Variants in GTF2IRD1 observed in about 807,000 individuals in gnomAD.
GTF2IRD1 encodes general transcription factor II-I repeat domain-containing protein 1.
A neutral mutation model predicts 113.2 loss-of-function variants in GTF2IRD1; 26 were observed. The ratio of observed to expected loss-of-function variants is 0.23; its 90% CI spans 0.17 to 0.32. The LOEUF (loss-of-function observed/expected upper bound fraction) is 0.32. Among genes scored for constraint, GTF2IRD1 ranks in the 10% least tolerant of loss-of-function variants. The pLI, the probability that GTF2IRD1 is intolerant of heterozygous loss-of-function variation, is 1.00. For missense variants in GTF2IRD1, 864 were observed against 1,280.8 expected (o/e 0.67, Z 4.97); for synonymous variants, 484 against 529.1 (o/e 0.91, Z 1.17).
In GTF2IRD1 at chr7:74,493,654, C is replaced by T. The variant is rs116518907; in HGVS notation, c.-6-14421C>T. On this transcript the variant is annotated intron_variant, in intron 1 of 26. Transcript: ENST00000424337. ...AGACAGGTTCTCCTGTGATAGATGC[C>T]GGCCAGGTAAAGGAGACAAATGGAA... 6.9e-3 allele frequency among the ~76,000 whole-genome samples: 1,057 copies of T among 152,142 alleles called. 9 individuals carry two copies. The highest frequency in any genetic ancestry group is 0.024 in the African/African-American group (986 of 41,504).
intron 22 of GTF2IRD1, among the ~76,000 whole-genome samples, chr7:74,579,224 G>A (rs1455782890): frequency 6.6e-6 from 1 of 152,102 alleles, no homozygotes; most frequent in Non-Finnish European, 1.5e-5. Context: ...AGGAGACTGC[G>A]GCAGGAGGAT....
intron 22 of GTF2IRD1, chr7:74,570,983 G>A (rs1293502957): frequency 4.3e-6 from 2 of 465,068 alleles, no homozygotes; most frequent in Non-Finnish European, 5.6e-6. Context: ...TCCCTTTTGG[G>A]CAAACACGAG....
chr7:74,488,159 T>C (rs1795129964), intron 1 of GTF2IRD1, among the ~76,000 whole-genome samples: 1 of 152,116 alleles, frequency 6.6e-6, no homozygotes, highest in Admixed American at 6.6e-5. Flanking sequence ...CGACACACGC[T>C]GTGGTCCCAG....
At chr7:74,535,241 T>C in intron 10 of GTF2IRD1, 103 bp downstream of exon 10, 2 of 874,286 alleles carry the variant, frequency 2.3e-6, no homozygotes, top group Non-Finnish European at 3.9e-6. Context: ...GCGCCTCCCC[T>C]CAGGCAGGGA....
chr7:74,529,276 C>A (rs781995224), intron 8 of GTF2IRD1, among the ~76,000 whole-genome samples: 13 of 151,944 alleles, frequency 8.6e-5, no homozygotes, highest in Non-Finnish European at 1.9e-4. Flanking sequence ...TTTTTTGAGA[C>A]AGGGTCTCAC....
intron 1 of GTF2IRD1, among the ~76,000 whole-genome samples, chr7:74,485,461 C>CA (rs1255743768): frequency 1.3e-5 from 2 of 151,702 alleles, no homozygotes; most frequent in African/African-American, 2.4e-5. Flanking sequence ...ACTAAAAACA[C>CA]AAAAAATTAG....
rs771265700 is a variant in GTF2IRD1, at chr7:74,572,633, C to T, written c.2320+12978C>T. The T allele has an allele frequency of 6.1e-4, 469 of 772,394 alleles. 1 individual carries two copies. Among genetic ancestry groups the T allele is most frequent in the Middle Eastern group, 6.6e-4 (1 of 1,524 alleles). The allele number at this position is 772,394 out of a possible 1,614,324, so 47.8% of individuals were successfully genotyped here. A position where few individuals can be genotyped will look rare whatever the true frequency, so the allele number is the denominator to read the frequency against. On this transcript the variant is annotated intron_variant, in intron 22 of 26. Coordinates refer to ENST00000424337, the MANE Select transcript of GTF2IRD1 (RefSeq NM_005685.4). Reference sequence around the variant, plus strand: ...TCATTTCCTTGTCGCCAATCACACACAGGCACACACCCTCTGGCCCCTGCC... The same window carrying T: ...TCATTTCCTTGTCGCCAATCACACATAGGCACACACCCTCTGGCCCCTGCC...
chr7:74,520,674 G>A (rs1444485163), intron 6 of GTF2IRD1, among the ~76,000 whole-genome samples: 1 of 146,818 alleles, frequency 6.8e-6, no homozygotes, highest in Non-Finnish European at 1.5e-5. Flanking sequence ...AGGCATACCT[G>A]TAATTCCAGC....
intron 8 of GTF2IRD1, among the ~76,000 whole-genome samples, chr7:74,524,737 A>G (rs1797501909): frequency 6.6e-6 from 1 of 152,156 alleles, no homozygotes; most frequent in Non-Finnish European, 1.5e-5. Context: ...GTGGTAATAC[A>G]CGCCTGTAAT....
intron 25 of GTF2IRD1, chr7:74,596,091 G>C (rs1231330146): frequency 6.6e-6 from 1 of 152,288 alleles, no homozygotes; most frequent in East Asian, 1.9e-4. Flanking sequence ...TTGGGAGGCC[G>C]AGGCAGGCAT....
chr7:74,533,650 C>G (rs782597205), intron 9 of GTF2IRD1, among the ~76,000 whole-genome samples: 3 of 152,160 alleles, frequency 2.0e-5, no homozygotes, highest in Non-Finnish European at 4.4e-5. Context: ...TCACTGCTCT[C>G]TCTCCTGCAA....
intron 17 of GTF2IRD1, among the ~76,000 whole-genome samples, chr7:74,548,692 C>T (rs1799108061): frequency 6.6e-6 from 1 of 151,964 alleles, no homozygotes; most frequent in South Asian, 2.1e-4. Flanking sequence ...TCACTTGAGG[C>T]CAGGAGTTCA....
At chr7:74,516,526 G>A (rs1796936013) in intron 4 of GTF2IRD1, among the ~76,000 whole-genome samples, 1 of 152,218 alleles carries the variant, frequency 6.6e-6, no homozygotes, top group Non-Finnish European at 1.5e-5. Flanking sequence ...GAAACATCGG[G>A]CAGGTCCCTT....
intron 1 of GTF2IRD1, among the ~76,000 whole-genome samples, chr7:74,464,030 C>G (rs1434102652): frequency 2.0e-5 from 3 of 152,020 alleles, no homozygotes; most frequent in African/African-American, 7.2e-5. Flanking sequence ...TGCCCTAGGA[C>G]CACTTTTACC....
chr7:74,565,457 A>G (rs1800240263), intron 22 of GTF2IRD1, among the ~76,000 whole-genome samples: 1 of 152,118 alleles, frequency 6.6e-6, no homozygotes. Flanking sequence ...CCTGGGAGGC[A>G]GAGGTTGCAG....
chr7:74,470,507 T>C (rs1476295066), intron 1 of GTF2IRD1, among the ~76,000 whole-genome samples: 1 of 152,154 alleles, frequency 6.6e-6, no homozygotes, highest in Non-Finnish European at 1.5e-5. Context: ...ACATTCAGCC[T>C]TCACCTACCA....
At chr7:74,587,754 A>T (rs11981999) in intron 22 of GTF2IRD1, among the ~76,000 whole-genome samples, 92,246 of 151,870 alleles carry the variant, frequency 0.61, 28,510 homozygotes, top group East Asian at 0.68. Context: ...ACCCCCACTC[A>T]GCCTTACAGC....
intron 1 of GTF2IRD1, among the ~76,000 whole-genome samples, chr7:74,471,797 T>C (rs782022065): frequency 6.7e-6 from 1 of 149,202 alleles, no homozygotes; most frequent in Non-Finnish European, 1.5e-5. Flanking sequence ...ATTGAGACCA[T>C]CCTGGCCAAT....
chr7:74,519,737 A>T lies in GTF2IRD1; in HGVS notation c.916+18A>T, dbSNP rs587653115. 12 of 1,529,552 alleles carry T rather than the reference A, an allele frequency of 7.8e-6. No homozygotes were observed. The East Asian group carries it at 2.7e-4, about 35-fold the overall frequency. 94.7% of individuals were successfully genotyped at this position (1,529,552 alleles called of 1,614,324 possible). Reference sequence around the variant, plus strand: ...CTGTTGTGGTAACATTGCTGCTGGGATCTCCAAGTCTAGGGGGTGGGACAG... The same window carrying T: ...CTGTTGTGGTAACATTGCTGCTGGGTTCTCCAAGTCTAGGGGGTGGGACAG... On this transcript the variant is annotated intron_variant, in intron 6 of 26. Transcript: ENST00000424337.
Sources: allele counts gnomAD v4.1 joint callset (sites outside exome capture counted in the v4.1 genomes callset), GRCh38; gene constraint gnomAD v4.1.1; transcripts MANE v1.5; gene names NCBI Gene and HGNC (gene_info 2026-07-23, HGNC 2026-07-21).